The following LPIN2 variants were observed in gnomAD, a reference collection of about 807,000 sequenced individuals.
LPIN2 encodes lipin 2, also known as phosphatidate phosphatase LPIN2.
In LPIN2, 55 loss-of-function variants were observed where a neutral mutation model predicts 111.4. The ratio of observed to expected loss-of-function variants is 0.49; its 90% CI spans 0.40 to 0.62. LPIN2 has a LOEUF of 0.62. Ranked by LOEUF, LPIN2 falls within the 20% of genes least tolerant of loss-of-function variation. LPIN2 has a pLI of 0.00. For missense variants in LPIN2, 992 were observed against 1,112.1 expected (o/e 0.89, Z 1.54); for synonymous variants, 425 against 414.0 (o/e 1.03, Z -0.32).
chr18:3,000,104 G>C (rs1284775977), intron 1 of LPIN2, among the ~76,000 whole-genome samples: 1 of 114,262 alleles, frequency 8.8e-6, no homozygotes, highest in Non-Finnish European at 1.8e-5. Flanking sequence ...GGGAAAGAGG[G>C]GAAGGAGGGG....
At chr18:2,963,722 T>C (rs779413694) in intron 1 of LPIN2, among the ~76,000 whole-genome samples, 1 of 151,652 alleles carries the variant, frequency 6.6e-6, no homozygotes, top group South Asian at 2.1e-4. Flanking sequence ...AAATGAAAAA[T>C]GGTCACAGAG....
rs1487438165 is a variant in LPIN2 at position 2,925,118 on chromosome 18, G to C, written c.1938+106C>G. On this transcript the variant is annotated intron_variant, in intron 14 of 19. Coordinates refer to ENST00000677752, the MANE Select transcript of LPIN2 (RefSeq NM_001375808.2). This position sits in a 1 kb window ranked among gnomAD's most constrained non-coding sequence, Gnocchi z 4.1. ...ATAGGCATTGACACGACCATGCCGT[G>C]TGGCGTGTATGCAGCTGGGGACGTG... 5 of 1,409,850 alleles carry C rather than the reference G, an allele frequency of 3.5e-6. No homozygotes were observed. Among genetic ancestry groups the C allele is most frequent in the Non-Finnish European group, 5.0e-6 (5 of 1,006,878 alleles). The allele number at this position is 1,409,850 out of a possible 1,614,324, so 87.3% of individuals were successfully genotyped here. A position where few individuals can be genotyped will look rare whatever the true frequency, so the allele number is the denominator to read the frequency against.
chr18:2,948,076 A>C (rs2077481944), intron 4 of LPIN2, among the ~76,000 whole-genome samples: 1 of 152,214 alleles, frequency 6.6e-6, no homozygotes, highest in African/African-American at 2.4e-5. Flanking sequence ...GAATTTTCAC[A>C]GATGTTTACA....
At chr18:2,997,907 CTG>C (rs1404330097) in intron 1 of LPIN2, among the ~76,000 whole-genome samples, 2 of 152,242 alleles carry the variant, frequency 1.3e-5, no homozygotes, top group Non-Finnish European at 2.9e-5. Flanking sequence ...TACTTCCCTA[CTG>C]TTTCCTTTGG....
Position 2,938,083 on chromosome 18 carries a change from T to G in LPIN2, c.823-46A>C, listed in dbSNP as rs776361644. The G allele has an allele frequency of 4.2e-6, 6 of 1,430,828 alleles. No homozygotes were observed. The South Asian group carries it at 5.7e-5, about 14-fold the overall frequency. The allele number at this position is 1,430,828 out of a possible 1,614,324, so 88.6% of individuals were successfully genotyped here. On this transcript the variant is annotated intron_variant, in intron 6 of 19. Transcript: ENST00000677752. ...AAAAATTAAACTACTTTCAGAGTAT[T>G]TGTTATAATCTATTTCCTAAGCTGG...
chr18:2,930,025 C>G (rs979817890), intron 9 of LPIN2, among the ~76,000 whole-genome samples: 8 of 152,098 alleles, frequency 5.3e-5, no homozygotes, highest in African/African-American at 1.7e-4. Flanking sequence ...GAAATAAATC[C>G]CAAGTTCTTG....
Position 2,939,572 on chromosome 18 carries a change from CACTCTTAGG to C in LPIN2, c.721_729del (p.Pro241_Ser243del). ...GCAGGTTTCACCTCCAGCTCTGAATCACTCTTAGGACACGCTGTCTGGGGATAGGTGCTG... is the reference window on the plus strand; with the variant it reads ...GCAGGTTTCACCTCCAGCTCTGAATCACACGCTGTCTGGGGATAGGTGCTG... On this transcript the variant is annotated inframe_deletion, in exon 6 of 20. Coordinates refer to ENST00000677752, the MANE Select transcript of LPIN2 (RefSeq NM_001375808.2). The C allele has an allele frequency of 6.2e-7, 1 of 1,613,920 alleles. No individual in the cohort carries two copies. Among genetic ancestry groups the C allele is most frequent in the South Asian group, 1.1e-5 (1 of 91,060 alleles).
intron 16 of LPIN2, among the ~76,000 whole-genome samples, chr18:2,923,179 G>T (rs2077080539): frequency 6.6e-6 from 1 of 152,084 alleles, no homozygotes; most frequent in Admixed American, 6.5e-5. Flanking sequence ...CCAGCACTTT[G>T]GGAGGCCGAG....
At chr18:2,984,023 G>A (rs1009463965) in intron 1 of LPIN2, among the ~76,000 whole-genome samples, 8 of 152,182 alleles carry the variant, frequency 5.3e-5, no homozygotes, top group Non-Finnish European at 1.0e-4. Flanking sequence ...CAATATACTA[G>A]CTGATCCACA....
At chr18:2,998,964 C>A (rs1225370750) in intron 1 of LPIN2, among the ~76,000 whole-genome samples, 1 of 152,210 alleles carries the variant, frequency 6.6e-6, no homozygotes, top group Admixed American at 6.5e-5. Flanking sequence ...TTGGCAGTCA[C>A]AAGTCTGAAC....
At chr18:2,962,365 C>T (rs564527534) in intron 1 of LPIN2, among the ~76,000 whole-genome samples, 56 of 152,276 alleles carry the variant, frequency 3.7e-4, no homozygotes, top group Non-Finnish European at 7.5e-4. Context: ...AGATGACATC[C>T]TTTATGTGAT....
At chr18:2,955,207 A>G (rs961373577) in intron 2 of LPIN2, among the ~76,000 whole-genome samples, 1 of 152,210 alleles carries the variant, frequency 6.6e-6, no homozygotes, top group East Asian at 1.9e-4. Flanking sequence ...ATAAAGAAAT[A>G]CACAAGGCTG....
chr18:3,005,873 GAAC>G (rs1467541137), intron 1 of LPIN2, among the ~76,000 whole-genome samples: 2 of 152,078 alleles, frequency 1.3e-5, no homozygotes, highest in African/African-American at 4.8e-5. Context: ...AAATAACAAT[GAAC>G]AACAATAATC....
intron 1 of LPIN2, among the ~76,000 whole-genome samples, chr18:2,965,731 C>CAAAAAAAA (rs35530040): frequency 9.7e-6 from 1 of 103,262 alleles, no homozygotes; most frequent in Non-Finnish European, 1.9e-5. Context: ...CTCCCAATCT[C>CAAAAAAAA]AAAAAAAAAA....
intron 1 of LPIN2, among the ~76,000 whole-genome samples, chr18:3,005,630 T>C (rs1272652449): frequency 2.6e-5 from 4 of 151,250 alleles, no homozygotes; most frequent in Non-Finnish European, 4.4e-5. Context: ...TGAGCTGAAA[T>C]CGTGCCACTG....
rs761121515 is a variant in LPIN2, at chr18:2,988,012, CAAAAAAAAAAAA to C, written c.-10+25063_-10+25074del. ...TGGGCGACAGAGTGAGAGACTGTCT[CAAAAAAAAAAAA>C]AAAAAAAAAAAAAAGAATCATCATG... On this transcript the variant is annotated intron_variant, in intron 1 of 19. Transcript: ENST00000677752. Among the ~76,000 whole-genome samples the C allele has an allele frequency of 5.3e-4, 17 of 32,348 alleles. No homozygotes were observed. The Admixed American group carries it at 5.4e-3, about 10-fold the overall frequency. The allele number at this position is 32,348 out of a possible 152,430, so 21.2% of individuals were successfully genotyped here. A position where few individuals can be genotyped will look rare whatever the true frequency, so the allele number is the denominator to read the frequency against.
intron 3 of LPIN2, among the ~76,000 whole-genome samples, chr18:2,953,163 G>C (rs1390051144): frequency 6.6e-6 from 1 of 152,158 alleles, no homozygotes; most frequent in Non-Finnish European, 1.5e-5. Context: ...ATGTGGAATA[G>C]GGAGAAAAAG....
intron 1 of LPIN2, among the ~76,000 whole-genome samples, chr18:2,964,466 T>G (rs574435582): frequency 1.3e-5 from 2 of 152,024 alleles, no homozygotes; most frequent in African/African-American, 4.8e-5. Context: ...GGGTGGAGCC[T>G]CCATGTGATG....
At position 2,925,686 on chromosome 18, in the gene LPIN2, A is replaced by G. The variant is rs867863521; in HGVS notation, c.1794-318T>C. Reference sequence around the variant, plus strand: ...TGTATGTTTCACAAGGCACAAATCAAAGAAAACATAATCGCTTACAATGAT... The same window carrying G: ...TGTATGTTTCACAAGGCACAAATCAGAGAAAACATAATCGCTTACAATGAT... On this transcript the variant is annotated intron_variant, in intron 13 of 19. Transcript: ENST00000677752. The surrounding 1 kb of genome is among the most constrained non-coding windows in gnomAD (Gnocchi z 4.1). 6.6e-6 allele frequency among the ~76,000 whole-genome samples: 1 copy of G among 152,204 alleles called. No individual in the cohort carries two copies. Among genetic ancestry groups the G allele is most frequent in the African/African-American group, 2.4e-5 (1 of 41,450 alleles).
Sources: gnomAD v4.1 joint callset for allele counts (sites outside exome capture counted in the v4.1 genomes callset) on GRCh38, gnomAD v4.1.1 for gene constraint, Gnocchi (gnomAD v3.1) non-coding constraint, MANE v1.5 for transcripts, NCBI Gene and HGNC (gene_info 2026-07-23, HGNC 2026-07-21) for gene names.